DBF4B: variants seen among roughly 807,000 people sequenced by gnomAD.
The protein encoded by DBF4B is DBF4B-CDC7 kinase regulatory subunit, also known as protein DBF4 homolog B.
Under a neutral mutation model 53.4 loss-of-function variants are expected in DBF4B, and 49 were observed. The observed-to-expected ratio is 0.92, with a 90% CI of 0.73 to 1.16. The LOEUF (loss-of-function observed/expected upper bound fraction) is 1.16. Among genes scored for constraint, DBF4B ranks in the 50% most tolerant of loss-of-function variants. The pLI is 0.00. For synonymous variants in DBF4B, 257 were observed against 288.7 expected (o/e 0.89, Z 1.11); for missense variants, 692 against 775.0 (o/e 0.89, Z 1.27).
chr17:44,748,874 T>A, intron 13 of DBF4B: 1 of 1,290,606 alleles, frequency 7.7e-7, no homozygotes, highest in South Asian at 1.2e-5. Context: ...CTCGCCTCCC[T>A]CCAGCCCTTG....
intron 9 of DBF4B, 59 bp downstream of exon 9, chr17:44,738,483 G>A: frequency 6.4e-7 from 1 of 1,565,022 alleles, no homozygotes; most frequent in Non-Finnish European, 8.7e-7. Context: ...GGAGGGAGGA[G>A]GGAGGGGTGC....
chr17:44,743,607 C>CTTTTTTTTTT (rs71136042), intron 10 of DBF4B, among the ~76,000 whole-genome samples: 1 of 114,084 alleles, frequency 8.8e-6, no homozygotes, highest in Non-Finnish European at 1.8e-5. Flanking sequence ...CTGTATGATT[C>CTTTTTTTTTT]TTTTTTTTTT....
chr17:44,750,940 C>G lies in DBF4B; in HGVS notation c.1535C>G (p.Pro512Arg), dbSNP rs1228523672. The change falls in exon 14 of 14, where the codon CCC (proline) becomes CGC (arginine). Residue 512 changes from proline to arginine, a missense_variant. By Grantham distance (103) the Pro-to-Arg change is moderately radical. Transcript: ENST00000315005. ...ATGTCTGCACGCTGCTGGGTTCGTCCCTTTCCTTTTGTGACATGGGGTTGC... is the reference window on the plus strand; with the variant it reads ...ATGTCTGCACGCTGCTGGGTTCGTCGCTTTCCTTTTGTGACATGGGGTTGC... ...WLMSARCWVR[P>R]FPFVTWGCLI... 1 of 1,614,076 alleles carries G rather than the reference C, an allele frequency of 6.2e-7. No homozygotes were observed. Among genetic ancestry groups the G allele is most frequent in the East Asian group, 2.2e-5 (1 of 44,896 alleles).
chr17:44,731,946 T>C (rs895938033), intron 5 of DBF4B: 2 of 518,154 alleles, frequency 3.9e-6, no homozygotes, highest in Non-Finnish European at 7.0e-6. Flanking sequence ...CAGAGCACAA[T>C]GTATAGGCAG....
chr17:44,723,377 T>C (rs1450589343), intron 3 of DBF4B, among the ~76,000 whole-genome samples: 1 of 151,830 alleles, frequency 6.6e-6, no homozygotes, highest in East Asian at 2.0e-4. Flanking sequence ...AGTGCTGGGA[T>C]TACAGGCGTG....
At chr17:44,731,157 A>T (rs1244702834) in intron 5 of DBF4B, 142 bp downstream of exon 5, 13 of 961,166 alleles carry the variant, frequency 1.4e-5, no homozygotes, top group Admixed American at 8.4e-5. Flanking sequence ...CTTCTTCTAC[A>T]TCAGGTAGTG....
At chr17:44,748,611 G>A in intron 13 of DBF4B, 146 bp downstream of exon 13, 1 of 1,523,000 alleles carries the variant, frequency 6.6e-7, no homozygotes, top group Non-Finnish European at 8.8e-7. Flanking sequence ...GGATACCAGT[G>A]TCCAGGAGCC....
rs560670872 is a variant in DBF4B, at chr17:44,729,974, A to G, written c.295A>G (p.Ser99Gly). Reference sequence around the variant, plus strand: ...CAGCCGCAGAGAAGTAAAGGCAGAGAGCAGTGGGAAAAGCCATAGAGGCTG... The same window carrying G: ...CAGCCGCAGAGAAGTAAAGGCAGAGGGCAGTGGGAAAAGCCATAGAGGCTG... Reference protein sequence around the residue: ...VSSRREVKAESSGKSHRGCPS... With the variant: ...VSSRREVKAEGSGKSHRGCPS... Residue 99 changes from serine (S) to glycine (G), a missense_variant, in exon 4 of 14, where the codon AGC (serine) becomes GGC (glycine). This residue lies in a region of DBF4B where 597 missense variants were observed against 665.8 expected (regional missense o/e 0.90). Transcript: ENST00000315005. 1 of 1,614,024 alleles carries G rather than the reference A, an allele frequency of 6.2e-7. No homozygotes were observed. The highest frequency in any genetic ancestry group is 1.1e-5 in the South Asian group (1 of 91,058).
chr17:44,725,681 C>CTGCTTTT, intron 3 of DBF4B, among the ~76,000 whole-genome samples: 1 of 79,096 alleles, frequency 1.3e-5, no homozygotes, highest in Non-Finnish European at 2.5e-5. Context: ...TTTTTTTGTG[C>CTGCTTTT]TTCTTTTTTT....
Position 44,748,472 on chromosome 17 carries a change from C to T in DBF4B, c.1189+7C>T, listed in dbSNP as rs2145159811. 6.2e-7 allele frequency: 1 copy of T among 1,613,898 alleles called. No homozygotes were observed. The highest frequency in any genetic ancestry group is 2.2e-5 in the East Asian group (1 of 44,870). ...GACAGCTGCCAGGCATCAGGTATCC[C>T]AGAGCAGGATGGGACAGTGGACAGC... On this transcript the variant is annotated splice_region_variant and intron_variant, in intron 13 of 13. Coordinates refer to ENST00000315005, the MANE Select transcript of DBF4B (RefSeq NM_145663.3).
chr17:44,742,762 A>T (rs979703244), intron 10 of DBF4B, among the ~76,000 whole-genome samples: 1 of 152,208 alleles, frequency 6.6e-6, no homozygotes, highest in Middle Eastern at 3.2e-3. Flanking sequence ...TACGTGGCTC[A>T]TGGCTTGTGG....
intron 2 of DBF4B, among the ~76,000 whole-genome samples, chr17:44,717,657 C>A (rs372320082): frequency 1.4e-5 from 2 of 147,654 alleles, no homozygotes; most frequent in African/African-American, 5.1e-5. Context: ...TGGACTGAGC[C>A]GAGATCGTGC....
intron 5 of DBF4B, 82 bp from the exon 6 acceptor site, chr17:44,732,096 C>A: frequency 6.9e-7 from 1 of 1,449,454 alleles, no homozygotes; most frequent in South Asian, 1.2e-5. Context: ...TCAGGCCTCC[C>A]AGAAGCAATT....
chr17:44,731,896 T>C, intron 5 of DBF4B: 1 of 357,552 alleles, frequency 2.8e-6, no homozygotes, highest in Non-Finnish European at 5.2e-6. Context: ...AACGAACAGC[T>C]CTCTCAGAAG....
rs191880483 is a variant in DBF4B, at chr17:44,733,239, A to G, written c.557-851A>G. Among the ~76,000 whole-genome samples, 200 of 152,088 alleles carry G rather than the reference A, an allele frequency of 1.3e-3. 2 individuals are homozygous for G. The highest frequency in any genetic ancestry group is 7.7e-4 in the East Asian group (4 of 5,172). On this transcript the variant is annotated intron_variant, in intron 6 of 13. Coordinates refer to ENST00000315005, the MANE Select transcript of DBF4B (RefSeq NM_145663.3). ...CTACGAATTACCTCATTTAATCCTC[A>G]CTACAGTCCTGTCCCCATTATACAG...
At chr17:44,725,349 A>T (rs1279182017) in intron 3 of DBF4B, among the ~76,000 whole-genome samples, 2 of 152,298 alleles carry the variant, frequency 1.3e-5, no homozygotes, top group East Asian at 1.9e-4. Flanking sequence ...TTTAGAGAAC[A>T]TGGAACTACT....
At chr17:44,720,808 G>C (rs113155289) in intron 2 of DBF4B, among the ~76,000 whole-genome samples, 8 of 151,444 alleles carry the variant, frequency 5.3e-5, no homozygotes, top group African/African-American at 1.7e-4. Context: ...ATTCCCTCCA[G>C]AAGTATATGA....
rs763726426 is a variant in DBF4B at position 44,732,161 on chromosome 17, CTG to C, written c.469-13_469-12del. The C allele has an allele frequency of 6.2e-6, 10 of 1,613,652 alleles. No individual in the cohort carries two copies. Among genetic ancestry groups the C allele is most frequent in the South Asian group, 2.2e-5 (2 of 90,984 alleles). On this transcript the variant is annotated splice_polypyrimidine_tract_variant and intron_variant, in intron 5 of 13. Transcript: ENST00000315005. Reference sequence around the variant, plus strand: ...GGGGAGTCTCTGCTCCTACCTGACTCTGTGTTGTAATTTCAGGGGAGCATCAG... The same window carrying C: ...GGGGAGTCTCTGCTCCTACCTGACTCTGTTGTAATTTCAGGGGAGCATCAG...
intron 3 of DBF4B, 111 bp from the exon 4 acceptor site, chr17:44,729,794 G>C: frequency 2.6e-6 from 3 of 1,149,136 alleles, no homozygotes; most frequent in South Asian, 3.1e-5. Flanking sequence ...TCTATTTAAA[G>C]ACATTGATTC....
Sources: allele counts gnomAD v4.1 joint callset (sites outside exome capture counted in the v4.1 genomes callset), GRCh38; gene constraint gnomAD v4.1.1; regional missense constraint gnomAD v4.1.1; transcripts MANE v1.5; gene names NCBI Gene and HGNC (gene_info 2026-07-23, HGNC 2026-07-21).